The following ILDR2 variants were observed in gnomAD, a reference collection of about 807,000 sequenced individuals.
ILDR2 encodes immunoglobulin-like domain-containing receptor 2.
In ILDR2, 25 loss-of-function variants were observed where a neutral mutation model predicts 66.8. That is an observed-to-expected ratio of 0.37 (90% CI 0.27 to 0.52). The LOEUF is 0.52. Among genes scored for constraint, ILDR2 ranks in the 20% least tolerant of loss-of-function variants. The pLI is 0.88. For synonymous variants in ILDR2, 367 were observed against 357.2 expected (o/e 1.03, Z -0.31); for missense variants, 827 against 876.8 (o/e 0.94, Z 0.72).
chr1:166,919,498 C>G, intron 9 of ILDR2, 108 bp from the exon 10 acceptor site: 1 of 959,718 alleles, frequency 1.0e-6, no homozygotes, highest in Non-Finnish European at 1.6e-6. Context: ...CAGTGCCAGG[C>G]ACCCCTGATT....
intron 8 of ILDR2, 87 bp downstream of exon 8, chr1:166,922,506 G>A: frequency 2.1e-6 from 2 of 964,300 alleles, no homozygotes; most frequent in South Asian, 1.4e-5. Context: ...AGATGCTACT[G>A]GATGGCATCT....
chr1:166,910,916 C>G lies in ILDR2; in HGVS notation c.*8439G>C, dbSNP rs1481137821. On this transcript the variant is annotated 3_prime_UTR_variant, in exon 10 of 10. Transcript: ENST00000271417. ...TCCTTCCTTGCTGCTTCTTTTTTTT[C>G]TTGTCTTTTTAAATTTTTACCTTTT... 1 of 151,694 alleles carries G rather than the reference C, an allele frequency of 6.6e-6. No individual in the cohort carries two copies. Among genetic ancestry groups the G allele is most frequent in the Non-Finnish European group, 1.5e-5 (1 of 67,894 alleles). The allele number at this position is 151,694 out of a possible 1,614,324, so 9.4% of individuals were successfully genotyped here.
chr1:166,905,908 G>T (rs978655002), downstream of ILDR2, among the ~76,000 whole-genome samples: 2 of 152,140 alleles, frequency 1.3e-5, no homozygotes, highest in African/African-American at 2.4e-5. Context: ...AATCCTCATC[G>T]CTTGCCTTCC....
chr1:166,949,591 C>A (rs1661849100), intron 3 of ILDR2, among the ~76,000 whole-genome samples: 3 of 152,210 alleles, frequency 2.0e-5, no homozygotes, highest in African/African-American at 7.2e-5. Context: ...GTAGAAAGGT[C>A]TGAAGGCCAA....
chr1:166,968,186 A>G (rs1211728664), intron 1 of ILDR2, among the ~76,000 whole-genome samples: 2 of 152,140 alleles, frequency 1.3e-5, no homozygotes, highest in East Asian at 3.8e-4. Flanking sequence ...CATTCTTCCT[A>G]CAGTACTAAA....
intron 6 of ILDR2, chr1:166,933,677 G>A (rs1245286860): frequency 3.2e-6 from 1 of 313,114 alleles, no homozygotes; most frequent in East Asian, 1.7e-4. Context: ...AAATAAGGGG[G>A]AAAGGATTCT....
At chr1:166,971,668 T>G (rs1162247961) in intron 1 of ILDR2, among the ~76,000 whole-genome samples, 3 of 152,066 alleles carry the variant, frequency 2.0e-5, no homozygotes, top group East Asian at 3.9e-4. Context: ...CACTGTGTTG[T>G]CCAGGTTGGT....
intron 1 of ILDR2, among the ~76,000 whole-genome samples, chr1:166,963,211 T>A (rs1484809533): frequency 6.6e-6 from 1 of 152,228 alleles, no homozygotes; most frequent in Non-Finnish European, 1.5e-5. Flanking sequence ...ATTCCCACTG[T>A]CACTCCCTTA....
At chr1:166,922,237 C>T (rs879565269) in intron 8 of ILDR2, among the ~76,000 whole-genome samples, 1 of 151,528 alleles carries the variant, frequency 6.6e-6, no homozygotes, top group Non-Finnish European at 1.5e-5. Flanking sequence ...GTCAACGTGG[C>T]AAAACCCTGT....
At chr1:166,899,692 A>G (rs1185748453) in intron 2 of ILDR2, among the ~76,000 whole-genome samples, 1 of 152,250 alleles carries the variant, frequency 6.6e-6, no homozygotes, top group Non-Finnish European at 1.5e-5. Context: ...CAAACATTCA[A>G]GCATTTAGAT....
At chr1:166,905,877 C>T (rs1010412663), downstream of ILDR2, among the ~76,000 whole-genome samples, 1 of 152,154 alleles carries the variant, frequency 6.6e-6, no homozygotes, top group African/African-American at 2.4e-5. Flanking sequence ...TCTCTTTTGC[C>T]CACGGCTTAT....
At chr1:166,935,579 T>C (rs1013742671) in intron 5 of ILDR2, 102 bp from the exon 6 acceptor site, 3 of 1,020,900 alleles carry the variant, frequency 2.9e-6, no homozygotes, top group East Asian at 2.6e-5. Flanking sequence ...CTCCTGGATG[T>C]GTGTATGTGC....
In ILDR2 at chr1:166,914,798, T is replaced by C. The variant is rs888329316; in HGVS notation, c.*4557A>G. The C allele has an allele frequency of 1.3e-5, 2 of 152,184 alleles. No individual in the cohort carries two copies. Among genetic ancestry groups the C allele is most frequent in the African/African-American group, 4.8e-5 (2 of 41,434 alleles). The allele number at this position is 152,184 out of a possible 1,614,324, so 9.4% of individuals were successfully genotyped here. On this transcript the variant is annotated 3_prime_UTR_variant, in exon 10 of 10. Transcript: ENST00000271417. The stretch of plus-strand genomic sequence containing the variant: ...GGACTTTATGTAGCTGGCCCCCTAT[T>C]TTAGTGAATTTGGATTTCTACATCC...
chr1:166,933,476 C>A (rs1039214884), intron 6 of ILDR2: 1 of 833,498 alleles, frequency 1.2e-6, no homozygotes, highest in Non-Finnish European at 1.4e-6. Context: ...TTCTATTAAC[C>A]AACCCTGGAA....
rs1321937060 is a variant in ILDR2 at position 166,909,751 on chromosome 1, A to G, written c.*9604T>C. On this transcript the variant is annotated 3_prime_UTR_variant, in exon 10 of 10. Coordinates refer to ENST00000271417, the MANE Select transcript of ILDR2 (RefSeq NM_199351.3). ...TGTATACATACATATATATATATAT[A>G]TATATATAAATATATATAAATATAT... is the stretch of plus-strand genomic sequence containing the variant. 1 of 71,160 alleles carries G rather than the reference A, an allele frequency of 1.4e-5. No individual in the cohort carries two copies. Among genetic ancestry groups the G allele is most frequent in the East Asian group, 6.6e-4 (1 of 1,506 alleles). 4.4% of individuals were successfully genotyped at this position (71,160 alleles called of 1,614,324 possible).
At position 166,921,165 on chromosome 1, in the gene ILDR2, C is replaced by A; in HGVS notation, c.1426G>T (p.Glu476Ter). ...CTGCGGCTGCGCTGACCGTAGTACT[C>A]CTCCAAGGAGTCGTCCTGGTAGAAG... ...SGFYQDDSLE[E>*]YYGQRSRSRE... Residue 476 changes from glutamate (E) to a stop codon, truncating the protein, a stop_gained, in exon 9 of 10, where the codon GAG becomes TAG. Transcript: ENST00000271417. LOFTEE classifies it high-confidence loss of function. This position sits in a 1 kb window ranked among gnomAD's most constrained non-coding sequence, Gnocchi z 5.3. 1 of 1,548,314 alleles carries A rather than the reference C, an allele frequency of 6.5e-7. No homozygotes were observed. Among genetic ancestry groups the A allele is most frequent in the Non-Finnish European group, 8.7e-7 (1 of 1,153,924 alleles).
intron 3 of ILDR2, among the ~76,000 whole-genome samples, chr1:166,943,264 G>A (rs1010074016): frequency 6.6e-6 from 1 of 152,040 alleles, no homozygotes; most frequent in Admixed American, 6.5e-5. Context: ...AGGCAGAGGC[G>A]GGCGGATCAT....
chr1:166,962,782 A>C (rs1340025300), intron 1 of ILDR2, among the ~76,000 whole-genome samples: 2 of 152,220 alleles, frequency 1.3e-5, no homozygotes, highest in Admixed American at 6.5e-5. Context: ...AGTACTTCTT[A>C]TGCTGGAGTC....
chr1:166,930,870 G>T (rs1447589582), intron 6 of ILDR2, among the ~76,000 whole-genome samples: 1 of 152,134 alleles, frequency 6.6e-6, no homozygotes, highest in Non-Finnish European at 1.5e-5. Context: ...TCTGTAATTT[G>T]TCTGAAGATC....
Sources: gnomAD v4.1 joint callset for allele counts (sites outside exome capture counted in the v4.1 genomes callset) on GRCh38, gnomAD v4.1.1 for gene constraint, Gnocchi (gnomAD v3.1) non-coding constraint, MANE v1.5 for transcripts, NCBI Gene and HGNC (gene_info 2026-07-23, HGNC 2026-07-21) for gene names.